GALNTL6: variants seen among roughly 807,000 people sequenced by gnomAD.
GALNTL6 encodes the protein polypeptide N-acetylgalactosaminyltransferase-like 6.
Under a neutral mutation model 73.7 loss-of-function variants are expected in GALNTL6, and 46 were observed. The ratio of observed to expected loss-of-function variants is 0.62; its 90% CI spans 0.49 to 0.80. The LOEUF is 0.80. GALNTL6 is among the 30% of genes least tolerant of loss of function. The probability of loss-of-function intolerance (pLI) is 0.00; values close to 1 mark genes in which losing one functional copy is unlikely to be tolerated. For missense variants in GALNTL6, 604 were observed against 755.0 expected, an observed-to-expected ratio of 0.80 and a Z score of 2.34; for synonymous variants, 259 against 263.7, an observed-to-expected ratio of 0.98 and a Z score of 0.17.
chr4:172,751,551 A>T (rs1244961757), intron 5 of GALNTL6, among the ~76,000 whole-genome samples: 3 of 152,258 alleles, frequency 2.0e-5, no homozygotes, highest in African/African-American at 7.2e-5. Context: ...TCTGAATTGC[A>T]AAGAAAGGCA....
intron 7 of GALNTL6, among the ~76,000 whole-genome samples, chr4:172,820,869 A>C (rs1171090769): frequency 2.6e-5 from 4 of 152,222 alleles, no homozygotes; most frequent in Non-Finnish European, 5.9e-5. Context: ...TCTATGATTG[A>C]GGTTTCAAAA....
chr4:172,234,027 A>T (rs919301907), intron 3 of GALNTL6, among the ~76,000 whole-genome samples: 2 of 152,030 alleles, frequency 1.3e-5, no homozygotes, highest in Admixed American at 6.6e-5. Flanking sequence ...TCACATAATG[A>T]TTATACTGAA....
At position 172,168,665 on chromosome 4, in the gene GALNTL6, G is replaced by A. The variant is rs533521270; in HGVS notation, c.139-60991G>A. 7.2e-5 allele frequency among the ~76,000 whole-genome samples: 11 copies of A among 151,904 alleles called. No homozygotes were observed. In the South Asian group the frequency reaches 2.1e-3, roughly 29 times the overall value. On this transcript the variant is annotated intron_variant, in intron 2 of 12. Coordinates refer to ENST00000506823, the MANE Select transcript of GALNTL6 (RefSeq NM_001034845.3). ...GATGAAGCTGGTGATGGTGATGATG[G>A]TAATGGTGATGGTGACATAATAATG...
chr4:172,092,737 C>G (rs1034668621), intron 2 of GALNTL6, among the ~76,000 whole-genome samples: 2 of 152,090 alleles, frequency 1.3e-5, no homozygotes, highest in South Asian at 4.1e-4. Context: ...GAATCTTTCT[C>G]TTTTTCTACC....
chr4:172,959,685 C>T (rs2126372683), intron 10 of GALNTL6, among the ~76,000 whole-genome samples: 1 of 152,142 alleles, frequency 6.6e-6, no homozygotes, highest in East Asian at 1.9e-4. Context: ...GAGCCTTGGG[C>T]CAGAGTTCCA....
chr4:172,774,563 A>G (rs1444792152), intron 5 of GALNTL6, among the ~76,000 whole-genome samples: 2 of 152,246 alleles, frequency 1.3e-5, no homozygotes, highest in African/African-American at 4.8e-5. Context: ...TTACCTAAGT[A>G]TTGTTTAAGA....
intron 2 of GALNTL6, among the ~76,000 whole-genome samples, chr4:171,939,093 G>A (rs78515536): frequency 4.9e-4 from 73 of 149,110 alleles, no homozygotes; most frequent in African/African-American, 1.3e-3. Context: ...ATTTAAAATG[G>A]AAAAAAAAAA....
intron 2 of GALNTL6, among the ~76,000 whole-genome samples, chr4:172,034,827 A>G (rs1412666501): frequency 6.6e-6 from 1 of 152,154 alleles, no homozygotes; most frequent in East Asian, 1.9e-4. Context: ...TGGTGCATCA[A>G]CAGTCAAGAA....
intron 4 of GALNTL6, among the ~76,000 whole-genome samples, chr4:172,347,165 T>C (rs1741776216): frequency 6.6e-6 from 1 of 151,886 alleles, no homozygotes; most frequent in Non-Finnish European, 1.5e-5. Context: ...AATATTTGTA[T>C]TTTTGGTAGA....
chr4:172,965,064 T>A (rs1294112680), intron 10 of GALNTL6, among the ~76,000 whole-genome samples: 1 of 152,226 alleles, frequency 6.6e-6, no homozygotes, highest in African/African-American at 2.4e-5. Context: ...CATTCAGAGA[T>A]GATTTATCAT....
chr4:173,026,085 A>G (rs1753218829), intron 12 of GALNTL6, among the ~76,000 whole-genome samples: 1 of 152,170 alleles, frequency 6.6e-6, no homozygotes, highest in South Asian at 2.1e-4. Context: ...TTTTAAGTAA[A>G]CATTTTATTA....
intron 5 of GALNTL6, among the ~76,000 whole-genome samples, chr4:172,729,874 T>C (rs367978133): frequency 3.9e-5 from 6 of 152,192 alleles, no homozygotes; most frequent in African/African-American, 1.2e-4. Context: ...ATAGACTATC[T>C]TTCTGTTTTT....
At chr4:173,011,558 C>T (rs1752554836) in intron 11 of GALNTL6, among the ~76,000 whole-genome samples, 1 of 152,026 alleles carries the variant, frequency 6.6e-6, no homozygotes, top group Admixed American at 6.6e-5. Context: ...GGTCAATCTA[C>T]TCTCCAGAGT....
At chr4:172,049,662 T>A (rs148736236) in intron 2 of GALNTL6, among the ~76,000 whole-genome samples, 3 of 152,146 alleles carry the variant, frequency 2.0e-5, no homozygotes, top group African/African-American at 7.2e-5. Context: ...TCTTGCCAAG[T>A]CAAGGTAATG....
chr4:172,573,623 T>G (rs1258537509), intron 5 of GALNTL6, among the ~76,000 whole-genome samples: 3 of 152,142 alleles, frequency 2.0e-5, no homozygotes, highest in Non-Finnish European at 4.4e-5. Context: ...TCTTGATCTA[T>G]TCTTCTCCAG....
At chr4:171,892,425 G>T (rs763687866) in intron 2 of GALNTL6, among the ~76,000 whole-genome samples, 72 of 152,058 alleles carry the variant, frequency 4.7e-4, no homozygotes, top group Non-Finnish European at 1.6e-4. Context: ...CATTAAAAGA[G>T]AAATGAAAAG....
intron 2 of GALNTL6, among the ~76,000 whole-genome samples, chr4:171,890,582 T>A (rs560984402): frequency 2.8e-4 from 43 of 152,158 alleles, no homozygotes; most frequent in African/African-American, 9.6e-4. Flanking sequence ...GATGGCAATA[T>A]TAAAATAAAT....
intron 5 of GALNTL6, among the ~76,000 whole-genome samples, chr4:172,712,759 CTG>C (rs1264530156): frequency 6.6e-6 from 1 of 152,170 alleles, no homozygotes; most frequent in African/African-American, 2.4e-5. Flanking sequence ...GCCTGGAACA[CTG>C]TATGCCTTGC....
chr4:172,271,474 C>T (rs571657100), intron 3 of GALNTL6, among the ~76,000 whole-genome samples: 5 of 151,936 alleles, frequency 3.3e-5, no homozygotes, highest in Non-Finnish European at 7.4e-5. Flanking sequence ...TCTTTGCCTA[C>T]GTGCATACTT....
Sources: allele counts gnomAD v4.1 joint callset (sites outside exome capture counted in the v4.1 genomes callset), GRCh38; gene constraint gnomAD v4.1.1; transcripts MANE v1.5; gene names NCBI Gene and HGNC (gene_info 2026-07-23, HGNC 2026-07-21).